VPS13B: variants seen among roughly 807,000 people sequenced by gnomAD.
The protein encoded by VPS13B is intermembrane lipid transfer protein VPS13B.
VPS13B carries 285 observed loss-of-function variants against 426.4 expected under a neutral mutation model. The ratio of observed to expected loss-of-function variants is 0.67; its 90% CI spans 0.61 to 0.74. The LOEUF is 0.74. Ranked by LOEUF, VPS13B falls within the 30% of genes least tolerant of loss-of-function variation. VPS13B has a pLI of 0.00. For missense variants in VPS13B, 4,537 were observed against 4,782.6 expected (o/e 0.95, Z 1.51); for synonymous variants, 1,676 against 1,676.4 (o/e 1.00, Z 0.01).
At chr8:99,197,093 G>A (rs535070118) in intron 17 of VPS13B, among the ~76,000 whole-genome samples, 3 of 152,198 alleles carry the variant, frequency 2.0e-5, no homozygotes, top group Non-Finnish European at 2.9e-5. Context: ...TATGACTTTT[G>A]TCCTTTATTT....
chr8:99,590,866 G>A (rs1460623114), intron 33 of VPS13B, among the ~76,000 whole-genome samples: 7 of 152,100 alleles, frequency 4.6e-5, no homozygotes, highest in African/African-American at 1.7e-4. Flanking sequence ...TTGTTGCAGA[G>A]CTGAGTTCTG....
At chr8:99,431,382 C>T (rs1817102881) in intron 21 of VPS13B, 155 bp from the exon 22 acceptor site, 1 of 1,040,834 alleles carries the variant, frequency 9.6e-7, no homozygotes, top group African/African-American at 1.6e-5. Flanking sequence ...AAAATCAGTT[C>T]TATAAGAGAA....
chr8:99,203,860 GGGCACATACAAAT>G (rs1814510084), intron 17 of VPS13B, among the ~76,000 whole-genome samples: 2 of 152,148 alleles, frequency 1.3e-5, no homozygotes, highest in Non-Finnish European at 2.9e-5. Flanking sequence ...AAATAAGAGA[GGGCACATACAAAT>G]GGAAAAACAT....
At chr8:99,467,753 C>T (rs1819188423) in intron 24 of VPS13B, 119 bp downstream of exon 24, 1 of 1,070,006 alleles carries the variant, frequency 9.3e-7, no homozygotes, top group African/African-American at 1.6e-5. Context: ...TTAACTTGGC[C>T]ATCAAGATCA....
chr8:99,311,806 A>C (rs145869746), intron 19 of VPS13B, among the ~76,000 whole-genome samples: 2 of 152,238 alleles, frequency 1.3e-5, no homozygotes, highest in East Asian at 3.9e-4. Context: ...TGGGAGTCTA[A>C]GTCTCTTTGT....
At chr8:99,068,850 C>G (rs1033236745) in intron 3 of VPS13B, among the ~76,000 whole-genome samples, 1 of 152,124 alleles carries the variant, frequency 6.6e-6, no homozygotes, top group African/African-American at 2.4e-5. Flanking sequence ...GTGGGAACTA[C>G]AATTCTAGAT....
intron 24 of VPS13B, among the ~76,000 whole-genome samples, chr8:99,474,183 ATTT>A (rs34752686): frequency 1.0e-4 from 13 of 124,962 alleles, no homozygotes; most frequent in African/African-American, 3.6e-4. Flanking sequence ...CTGTTATCCA[ATTT>A]TTTTTTTTTT....
chr8:99,154,726 A>G (rs1811265585), intron 14 of VPS13B, among the ~76,000 whole-genome samples: 1 of 152,204 alleles, frequency 6.6e-6, no homozygotes, highest in Non-Finnish European at 1.5e-5. Context: ...AGGAATAAGT[A>G]CAGATTGAAA....
intron 21 of VPS13B, among the ~76,000 whole-genome samples, chr8:99,428,808 C>T (rs1816900743): frequency 6.6e-6 from 1 of 152,260 alleles, no homozygotes; most frequent in South Asian, 2.1e-4. Context: ...ATAAATCATG[C>T]TGCTATAAAG....
intron 23 of VPS13B, among the ~76,000 whole-genome samples, chr8:99,452,891 A>G (rs1047003942): frequency 6.6e-6 from 1 of 152,214 alleles, no homozygotes; most frequent in Non-Finnish European, 1.5e-5. Flanking sequence ...CTTGAGTTTC[A>G]TTAGGGAGCA....
chr8:99,409,896 A>G (rs1186084384), intron 21 of VPS13B, among the ~76,000 whole-genome samples: 2 of 152,200 alleles, frequency 1.3e-5, no homozygotes, highest in Non-Finnish European at 1.5e-5. Flanking sequence ...TTGTGTTAAT[A>G]TAAGAATTTT....
chr8:99,345,445 G>A (rs1054774858), intron 19 of VPS13B, among the ~76,000 whole-genome samples: 3 of 152,028 alleles, frequency 2.0e-5, no homozygotes, highest in Admixed American at 6.5e-5. Context: ...AACACCAACC[G>A]TGGGCTATAT....
At chr8:99,377,832 T>G (rs1377355561) in intron 19 of VPS13B, among the ~76,000 whole-genome samples, 1 of 152,106 alleles carries the variant, frequency 6.6e-6, no homozygotes, top group African/African-American at 2.4e-5. Context: ...GAATAGGGTG[T>G]GGGTCACAGA....
intron 49 of VPS13B, among the ~76,000 whole-genome samples, chr8:99,820,787 G>C (rs1814314341): frequency 6.6e-6 from 1 of 152,032 alleles, no homozygotes; most frequent in African/African-American, 2.4e-5. Context: ...CTTTCTGATA[G>C]AGAACAATTT....
chr8:99,204,836 A>G (rs553214493), intron 17 of VPS13B, among the ~76,000 whole-genome samples: 1 of 152,238 alleles, frequency 6.6e-6, no homozygotes, highest in Non-Finnish European at 1.5e-5. Flanking sequence ...AATGGTGATC[A>G]TTAAAAAGTC....
At chr8:99,549,295 C>T (rs1824152889) in intron 30 of VPS13B, among the ~76,000 whole-genome samples, 1 of 152,070 alleles carries the variant, frequency 6.6e-6, no homozygotes, top group Non-Finnish European at 1.5e-5. Context: ...AATTGAGTAT[C>T]ACTGGTGTTC....
Position 99,431,520 on chromosome 8 carries a change from G to T in VPS13B, c.3083-17G>T, listed in dbSNP as rs1321819478. 4 of 1,612,388 alleles carry T rather than the reference G, an allele frequency of 2.5e-6. No individual in the cohort carries two copies. Among genetic ancestry groups the T allele is most frequent in the Non-Finnish European group, 3.4e-6 (4 of 1,179,416 alleles). On this transcript the variant is annotated splice_polypyrimidine_tract_variant and intron_variant, in intron 21 of 61. Transcript: ENST00000357162. Reference sequence around the variant, plus strand: ...AAGTTATGTTTCTATTAAATAATTAGCTATTCTCGTACTCAGAATCCCGCC... The same window carrying T: ...AAGTTATGTTTCTATTAAATAATTATCTATTCTCGTACTCAGAATCCCGCC...
Position 99,240,355 on chromosome 8 carries a change from T to A in VPS13B, c.2516-33843T>A, listed in dbSNP as rs116997620. Among the ~76,000 whole-genome samples the A allele has an allele frequency of 5.9e-3, 903 of 152,318 alleles. 6 individuals carry two copies. Among genetic ancestry groups the A allele is most frequent in the Non-Finnish European group, 7.6e-3 (520 of 68,038 alleles). On this transcript the variant is annotated intron_variant, in intron 17 of 61. Transcript: ENST00000357162. ...TATATATTCCCTAGCCATTTAATAA[T>A]GTACTTGAGAACTAAATATTTTAAT...
chr8:99,514,676 T>C (rs1821965397), intron 29 of VPS13B, among the ~76,000 whole-genome samples: 1 of 152,252 alleles, frequency 6.6e-6, no homozygotes, highest in South Asian at 2.1e-4. Flanking sequence ...TGTTTATTAA[T>C]TAATCTGTTG....
Sources: allele counts gnomAD v4.1 joint callset (sites outside exome capture counted in the v4.1 genomes callset), GRCh38; gene constraint gnomAD v4.1.1; transcripts MANE v1.5; gene names NCBI Gene and HGNC (gene_info 2026-07-23, HGNC 2026-07-21).